Variants in SNX25 observed in about 807,000 individuals in gnomAD.
SNX25 encodes sorting nexin-25.
Under a neutral mutation model 113.7 loss-of-function variants are expected in SNX25, and 62 were observed. That is an observed-to-expected ratio of 0.55 (90% CI 0.44 to 0.67). The LOEUF is 0.67. Among genes scored for constraint, SNX25 ranks in the 30% least tolerant of loss-of-function variants. SNX25 has a pLI of 0.00. For missense variants in SNX25, 1,014 were observed against 1,161.0 expected (o/e 0.87, Z 1.84); for synonymous variants, 421 against 436.2 (o/e 0.97, Z 0.43).
the SNX25 span, chr4:185,378,480 A>G: frequency 3.2e-5 from 37 of 1,150,054 alleles, no homozygotes; most frequent in Non-Finnish European, 3.6e-5. Context: ...CTATGGGTTT[A>G]TACATCAAGA....
intron 12 of SNX25, among the ~76,000 whole-genome samples, chr4:185,345,740 A>G (rs1261324324): frequency 6.6e-6 from 1 of 152,070 alleles, no homozygotes; most frequent in Non-Finnish European, 1.5e-5. Context: ...GCCATGAGCC[A>G]TGATCACGCC....
chr4:185,217,253 G>GA (rs1487544314), intron 1 of SNX25, among the ~76,000 whole-genome samples: 1 of 92,594 alleles, frequency 1.1e-5, no homozygotes, highest in Non-Finnish European at 2.6e-5. Context: ...ACTGTGTCTT[G>GA]GGAAAAAAAA....
chr4:185,372,280 T>G (rs1221611917), downstream of SNX25, among the ~76,000 whole-genome samples: 1 of 152,250 alleles, frequency 6.6e-6, no homozygotes, highest in Non-Finnish European at 1.5e-5. Context: ...AGGCAATTGC[T>G]GCTTAAAAAA....
chr4:185,219,110 C>T (rs1739365360), intron 1 of SNX25, among the ~76,000 whole-genome samples: 2 of 152,142 alleles, frequency 1.3e-5, no homozygotes, highest in Admixed American at 6.5e-5. Context: ...GTGAGAAAGA[C>T]GTTCCCTGTT....
chr4:185,353,730 A>G lies in SNX25; in HGVS notation c.2584+128A>G, dbSNP rs181182344. The G allele has an allele frequency of 1.1e-3, 902 of 836,298 alleles. 6 individuals carry two copies. In the African/African-American group the frequency reaches 0.013, roughly 12 times the overall value. The allele number at this position is 836,298 out of a possible 1,614,324, so 51.8% of individuals were successfully genotyped here. ...GACATGTATTTATATTCATGCATCC[A>G]TTCATTCAACATAGCCTTTTAAGAG... On this transcript the variant is annotated intron_variant, in intron 15 of 18. Transcript: ENST00000652585.
rs57930723 is a variant in SNX25, at chr4:185,267,219, TAAAAAAA to T, written c.1091+72_1091+78del. The T allele has an allele frequency of 6.1e-6, 8 of 1,303,522 alleles. No homozygotes were observed. In the South Asian group the frequency reaches 1.1e-4, roughly 18 times the overall value. The allele number at this position is 1,303,522 out of a possible 1,614,324, so 80.7% of individuals were successfully genotyped here. A position where few individuals can be genotyped will look rare whatever the true frequency, so the allele number is the denominator to read the frequency against. On this transcript the variant is annotated intron_variant, in intron 5 of 18. Transcript: ENST00000652585. Reference sequence around the variant, plus strand: ...ATTATCATCCCCTGCCTAGTTAGGTTAAAAAAAAAAAAAAGTAGTTGTCAGGGAAGCA... The same window carrying T: ...ATTATCATCCCCTGCCTAGTTAGGTTAAAAAAAGTAGTTGTCAGGGAAGCA...
intron 5 of SNX25, among the ~76,000 whole-genome samples, chr4:185,285,618 C>G (rs1389481136): frequency 6.6e-6 from 1 of 152,200 alleles, no homozygotes; most frequent in Non-Finnish European, 1.5e-5. Flanking sequence ...CACAAGACAG[C>G]TTGACATACA....
intron 3 of SNX25, 41 bp downstream of exon 3, chr4:185,259,105 T>A: frequency 6.4e-7 from 1 of 1,555,680 alleles, no homozygotes; most frequent in Non-Finnish European, 8.8e-7. Context: ...TTGCATTAAT[T>A]TTTTTTAATT....
At chr4:185,259,364 G>A (rs1174580847) in intron 3 of SNX25, among the ~76,000 whole-genome samples, 2 of 152,108 alleles carry the variant, frequency 1.3e-5, no homozygotes, top group Admixed American at 6.5e-5. Context: ...AAATTTAAAT[G>A]TAGTGTTTTC....
At chr4:185,206,176 A>G (rs1463909907), upstream of SNX25, among the ~76,000 whole-genome samples, 2 of 152,228 alleles carry the variant, frequency 1.3e-5, no homozygotes, top group Non-Finnish European at 2.9e-5. Flanking sequence ...AAAGGAAGTG[A>G]AAGCAGGGTC....
intron 1 of SNX25, among the ~76,000 whole-genome samples, chr4:185,233,508 A>AT (rs1404626753): frequency 2.6e-5 from 4 of 152,074 alleles, no homozygotes; most frequent in Admixed American, 6.5e-5. Context: ...TAGTTACAGA[A>AT]TTTTTTTATC....
intron 1 of SNX25, among the ~76,000 whole-genome samples, chr4:185,239,269 G>T (rs1349280153): frequency 1.6e-5 from 2 of 128,838 alleles, no homozygotes; most frequent in African/African-American, 2.8e-5. Context: ...ATCACTTGAG[G>T]TCAGGAGATC....
intron 5 of SNX25, among the ~76,000 whole-genome samples, chr4:185,267,506 G>A (rs962542565): frequency 2.0e-5 from 3 of 152,052 alleles, no homozygotes; most frequent in Admixed American, 6.6e-5. Flanking sequence ...TGAGGTGGGC[G>A]GATCACTTGA....
At chr4:185,289,045 G>A (rs1751775511) in intron 6 of SNX25, among the ~76,000 whole-genome samples, 1 of 152,184 alleles carries the variant, frequency 6.6e-6, no homozygotes, top group Non-Finnish European at 1.5e-5. Flanking sequence ...ACCTGGACTT[G>A]CCTCCCTGAG....
intron 1 of SNX25, among the ~76,000 whole-genome samples, chr4:185,237,098 A>G (rs1452332572): frequency 6.6e-6 from 1 of 152,236 alleles, no homozygotes; most frequent in Admixed American, 6.5e-5. Context: ...GTTGAATTTT[A>G]AAGAATAGCT....
intron 6 of SNX25, among the ~76,000 whole-genome samples, chr4:185,298,587 C>G (rs1168842999): frequency 6.6e-6 from 1 of 151,998 alleles, no homozygotes; most frequent in East Asian, 1.9e-4. Context: ...GTCTTGCTTC[C>G]TCTGGTCACT....
rs564608843 is a variant in SNX25 at position 185,321,197 on chromosome 4, A to G, written c.1476+333A>G. ...AATTTGGCCCCCTCACCTACACTTC[A>G]GTCTCATAATCTTGCCATTTATAAT... is the stretch of plus-strand genomic sequence containing the variant. On this transcript the variant is annotated intron_variant, in intron 8 of 18. Transcript: ENST00000652585. Among the ~76,000 whole-genome samples, 4 of 151,780 alleles carry G rather than the reference A, an allele frequency of 2.6e-5. No individual in the cohort carries two copies. In the South Asian group the frequency reaches 8.3e-4, roughly 32 times the overall value.
chr4:185,280,468 A>G (rs1221240042), intron 5 of SNX25, among the ~76,000 whole-genome samples: 3 of 152,246 alleles, frequency 2.0e-5, no homozygotes, highest in Non-Finnish European at 4.4e-5. Flanking sequence ...GGTTATAAAG[A>G]TAGTCCAAAT....
intron 13 of SNX25, among the ~76,000 whole-genome samples, chr4:185,347,177 A>T (rs1475864787): frequency 6.6e-6 from 1 of 152,214 alleles, no homozygotes; most frequent in African/African-American, 2.4e-5. Flanking sequence ...GTTGTTGATG[A>T]GCCTTTGGCT....
Sources: allele counts gnomAD v4.1 joint callset (sites outside exome capture counted in the v4.1 genomes callset), GRCh38; gene constraint gnomAD v4.1.1; transcripts MANE v1.5; gene names NCBI Gene and HGNC (gene_info 2026-07-23, HGNC 2026-07-21).